METTL25: variants seen among roughly 807,000 people sequenced by gnomAD.
METTL25 encodes methyltransferase like 25.
METTL25 carries 64 observed loss-of-function variants against 71.6 expected under a neutral mutation model. The observed-to-expected ratio is 0.89, with a 90% CI of 0.73 to 1.10. The LOEUF (loss-of-function observed/expected upper bound fraction) is 1.10, where lower values mean the gene tolerates loss of function less well. METTL25 is among the 50% of genes least tolerant of loss of function. The pLI, the probability that METTL25 is intolerant of heterozygous loss-of-function variation, is 0.00. For missense variants in METTL25, 807 were observed against 707.0 expected (o/e 1.14, Z -1.60); for synonymous variants, 287 against 250.3 (o/e 1.15, Z -1.38).
chr12:82,422,302 G>C (rs1321859008), intron 5 of METTL25, among the ~76,000 whole-genome samples: 2 of 152,080 alleles, frequency 1.3e-5, no homozygotes, highest in Non-Finnish European at 2.9e-5. Context: ...AAAACCACAT[G>C]ATTATCTCAA....
At chr12:82,373,163 C>G (rs1213278114) in intron 1 of METTL25, among the ~76,000 whole-genome samples, 2 of 152,140 alleles carry the variant, frequency 1.3e-5, no homozygotes, top group Non-Finnish European at 2.9e-5. Flanking sequence ...GACCTTACCA[C>G]TGTCCTATAA....
intron 1 of METTL25, among the ~76,000 whole-genome samples, chr12:82,374,659 A>G (rs1261779908): frequency 6.6e-6 from 1 of 152,238 alleles, no homozygotes; most frequent in African/African-American, 2.4e-5. Context: ...GTTGAATTTA[A>G]TATGGTTACA....
At chr12:82,386,599 T>C (rs1277762135) in intron 1 of METTL25, among the ~76,000 whole-genome samples, 1 of 152,008 alleles carries the variant, frequency 6.6e-6, no homozygotes, top group African/African-American at 2.4e-5. Flanking sequence ...GCATAAAATA[T>C]TAAGAGAAAA....
chr12:82,370,304 G>C (rs1260780782), intron 1 of METTL25, among the ~76,000 whole-genome samples: 1 of 152,186 alleles, frequency 6.6e-6, no homozygotes, highest in Admixed American at 6.5e-5. Context: ...AAACAGATTT[G>C]ACAAGGAGGT....
chr12:82,436,801 C>A (rs2137174028), intron 7 of METTL25, among the ~76,000 whole-genome samples: 1 of 151,578 alleles, frequency 6.6e-6, no homozygotes, highest in South Asian at 2.1e-4. Context: ...GAGATTTTAA[C>A]TATTTTTAGG....
chr12:82,377,713 C>T (rs1023477476), intron 1 of METTL25, among the ~76,000 whole-genome samples: 2 of 152,158 alleles, frequency 1.3e-5, no homozygotes, highest in Admixed American at 6.5e-5. Context: ...AATTGTTTGT[C>T]GTAATTTAAC....
intron 2 of METTL25, 39 bp from the exon 3 acceptor site, chr12:82,389,777 T>G (rs1805613549): frequency 8.4e-7 from 1 of 1,194,870 alleles, no homozygotes; most frequent in Non-Finnish European, 1.2e-6. Context: ...TACTAAATTT[T>G]GATTCTTTAA....
At chr12:82,378,365 A>C (rs1884091951) in intron 1 of METTL25, among the ~76,000 whole-genome samples, 1 of 152,236 alleles carries the variant, frequency 6.6e-6, no homozygotes, top group Non-Finnish European at 1.5e-5. Context: ...CATTACAAAA[A>C]CTAAGGAAGT....
intron 9 of METTL25, among the ~76,000 whole-genome samples, chr12:82,465,026 A>G (rs139069777): frequency 3.6e-4 from 54 of 151,996 alleles, no homozygotes; most frequent in African/African-American, 1.2e-3. Flanking sequence ...GTTTTTCTAT[A>G]TGTAAGATCA....
At chr12:82,460,910 A>G (rs562143153) in intron 9 of METTL25, among the ~76,000 whole-genome samples, 478 of 152,286 alleles carry the variant, frequency 3.1e-3, no homozygotes, top group Non-Finnish European at 5.8e-3. Flanking sequence ...TTGGGAGGCC[A>G]AGGCGGGCGG....
At chr12:82,464,765 G>C (rs1004400712) in intron 9 of METTL25, among the ~76,000 whole-genome samples, 1 of 151,602 alleles carries the variant, frequency 6.6e-6, no homozygotes, top group African/African-American at 2.4e-5. Flanking sequence ...TTCTCCATTT[G>C]TTTCTATCCA....
chr12:82,419,275 T>A (rs1565848369), intron 5 of METTL25, among the ~76,000 whole-genome samples: 1 of 152,112 alleles, frequency 6.6e-6, no homozygotes, highest in Non-Finnish European at 1.5e-5. Context: ...CAGGAAGAGA[T>A]AGGCTAAGGC....
intron 7 of METTL25, among the ~76,000 whole-genome samples, chr12:82,437,183 T>C (rs1889981546): frequency 1.3e-5 from 2 of 151,688 alleles, no homozygotes; most frequent in Admixed American, 6.6e-5. Context: ...TCCATCGTTT[T>C]TTCCTCAAGT....
chr12:82,409,051 G>A (rs1332951142), intron 5 of METTL25, among the ~76,000 whole-genome samples: 1 of 151,988 alleles, frequency 6.6e-6, no homozygotes, highest in Non-Finnish European at 1.5e-5. Context: ...GAAAATTCTG[G>A]TATGTACATT....
At chr12:82,363,531 G>A (rs1312970541) in intron 1 of METTL25, among the ~76,000 whole-genome samples, 2 of 152,088 alleles carry the variant, frequency 1.3e-5, no homozygotes, top group African/African-American at 4.8e-5. Flanking sequence ...ACCAGACAGT[G>A]GGTAAATAAA....
At chr12:82,419,801 G>A (rs1316503687) in intron 5 of METTL25, among the ~76,000 whole-genome samples, 7 of 151,868 alleles carry the variant, frequency 4.6e-5, no homozygotes, top group East Asian at 3.9e-4. Context: ...AAAATGATAC[G>A]GAGGTTCCTC....
At chr12:82,423,606 A>G (rs1386348620) in intron 5 of METTL25, among the ~76,000 whole-genome samples, 2 of 152,214 alleles carry the variant, frequency 1.3e-5, no homozygotes, top group Non-Finnish European at 1.5e-5. Context: ...TGAACAGGCA[A>G]CCTACAGAAT....
intron 1 of METTL25, among the ~76,000 whole-genome samples, chr12:82,378,729 CAAT>C (rs1194830269): frequency 6.6e-6 from 1 of 152,054 alleles, no homozygotes; most frequent in Non-Finnish European, 1.5e-5. Context: ...TGCCTTGCCT[CAAT>C]AATAAACAAA....
At chr12:82,383,160 A>G (rs1363459328) in intron 1 of METTL25, among the ~76,000 whole-genome samples, 1 of 151,992 alleles carries the variant, frequency 6.6e-6, no homozygotes, top group Non-Finnish European at 1.5e-5. Context: ...TGATTCTGAG[A>G]GTCAGGTCTC....
Sources: allele counts gnomAD v4.1 joint callset (sites outside exome capture counted in the v4.1 genomes callset), GRCh38; gene constraint gnomAD v4.1.1; transcripts MANE v1.5; gene names NCBI Gene and HGNC (gene_info 2026-07-23, HGNC 2026-07-21).